N4BP2L2: variants seen among roughly 807,000 people sequenced by gnomAD.
N4BP2L2 encodes NEDD4 binding protein 2 like 2, also known as NEDD4-binding protein 2-like 2.
In N4BP2L2, 50 loss-of-function variants were observed where a neutral mutation model predicts 56.2. The ratio of observed to expected loss-of-function variants is 0.89; its 90% CI spans 0.71 to 1.13. N4BP2L2 has a LOEUF of 1.13. N4BP2L2 is among the 50% of genes most tolerant of loss of function. The pLI, the probability that N4BP2L2 is intolerant of heterozygous loss-of-function variation, is 0.00. For synonymous variants in N4BP2L2, 203 were observed against 223.6 expected, an observed-to-expected ratio of 0.91 and a Z score of 0.82; for missense variants, 689 against 693.8, an observed-to-expected ratio of 0.99 and a Z score of 0.08.
At chr13:32,486,542 G>C (rs1161596973) in intron 6 of N4BP2L2, among the ~76,000 whole-genome samples, 1 of 152,016 alleles carries the variant, frequency 6.6e-6, no homozygotes, top group African/African-American at 2.4e-5. Context: ...TGGGTGTGGA[G>C]GCTTGCACCT....
chr13:32,433,715 A>C (rs1368962273), intron 9 of N4BP2L2, among the ~76,000 whole-genome samples: 1 of 151,868 alleles, frequency 6.6e-6, no homozygotes, highest in African/African-American at 2.4e-5. Context: ...TCACGAGGTT[A>C]GGAGTTTCAG....
intron 7 of N4BP2L2, chr13:32,438,857 A>C: frequency 1.5e-6 from 1 of 669,414 alleles, no homozygotes; most frequent in Non-Finnish European, 2.5e-6. Flanking sequence ...GGTTTTAAAG[A>C]TATTTCGGTG....
At chr13:32,531,181 G>A (rs1431133389) in intron 2 of N4BP2L2, among the ~76,000 whole-genome samples, 1 of 152,154 alleles carries the variant, frequency 6.6e-6, no homozygotes, top group African/African-American at 2.4e-5. Context: ...AGCATTCTTA[G>A]AGACACTGAA....
At chr13:32,509,982 CAA>C (rs2091519982), downstream of N4BP2L2, among the ~76,000 whole-genome samples, 1 of 152,100 alleles carries the variant, frequency 6.6e-6, no homozygotes, top group Non-Finnish European at 1.5e-5. Context: ...TTCTGTACTT[CAA>C]GATTTTCCTT....
chr13:32,518,561 T>C (rs2049847533), intron 5 of N4BP2L2, among the ~76,000 whole-genome samples: 1 of 152,160 alleles, frequency 6.6e-6, no homozygotes, highest in Non-Finnish European at 1.5e-5. Context: ...AATATAAAGC[T>C]TTGATAAAAG....
chr13:32,491,786 C>T (rs1006022452), intron 6 of N4BP2L2, among the ~76,000 whole-genome samples: 1 of 151,530 alleles, frequency 6.6e-6, no homozygotes, highest in Non-Finnish European at 1.5e-5. Flanking sequence ...CACGTGCCAC[C>T]ACGCCCAGGT....
exon 7 of N4BP2L2, chr13:32,442,967 G>A: frequency 1.2e-6 from 2 of 1,613,464 alleles, no homozygotes; most frequent in Non-Finnish European, 1.7e-6. Flanking sequence ...GTAATTTTTA[G>A]TCCATGGTTT....
chr13:32,536,849 ATG>A lies in N4BP2L2; in HGVS notation c.177_178del (p.Ile60Ter), dbSNP rs768503335. ...CAAATAACTATGTCCTCTGACATCA[ATG>A]ATGGTCACAGGGACCCAATCATTTC... On this transcript the variant is annotated frameshift_variant, in exon 2 of 6. Transcript: ENST00000267068. LOFTEE classifies it high-confidence loss of function. The A allele has an allele frequency of 2.2e-5, 36 of 1,613,908 alleles. No individual in the cohort carries two copies. The highest frequency in any genetic ancestry group is 2.9e-5 in the Non-Finnish European group (34 of 1,179,974).
exon 6 of N4BP2L2, chr13:32,515,759 A>G (rs1228570708): frequency 6.6e-6 from 1 of 151,912 alleles, no homozygotes; most frequent in Non-Finnish European, 1.5e-5. Flanking sequence ...TTTTTTGAGA[A>G]GGAGTCTCAC....
intron 5 of N4BP2L2, among the ~76,000 whole-genome samples, chr13:32,520,704 AAC>A (rs1359905001): frequency 6.6e-6 from 1 of 152,128 alleles, no homozygotes; most frequent in South Asian, 2.1e-4. Flanking sequence ...ACAGTCAGGA[AAC>A]ACAGTGATAT....
At chr13:32,517,589 A>T in exon 6 of N4BP2L2, 1 of 1,327,780 alleles carries the variant, frequency 7.5e-7, no homozygotes. Flanking sequence ...AGCCAAGAGT[A>T]TTACAACAAG....
At chr13:32,475,360 A>C (rs703229) in intron 6 of N4BP2L2, among the ~76,000 whole-genome samples, 198 of 152,300 alleles carry the variant, frequency 1.3e-3, no homozygotes, top group African/African-American at 4.6e-3. Context: ...AAGAAGAGAG[A>C]GAGAAAGCTT....
At chr13:32,520,449 G>C (rs546472486) in intron 5 of N4BP2L2, among the ~76,000 whole-genome samples, 4 of 151,902 alleles carry the variant, frequency 2.6e-5, no homozygotes, top group African/African-American at 9.7e-5. Flanking sequence ...ACGAGGTCAG[G>C]AAATCAAGAC....
chr13:32,451,827 C>T (rs910541723), intron 6 of N4BP2L2, among the ~76,000 whole-genome samples: 1 of 151,758 alleles, frequency 6.6e-6, no homozygotes, highest in East Asian at 1.9e-4. Flanking sequence ...CACACACAGC[C>T]AAAAACACAA....
intron 6 of N4BP2L2, among the ~76,000 whole-genome samples, chr13:32,465,847 T>A (rs901977767): frequency 6.6e-6 from 1 of 152,046 alleles, no homozygotes; most frequent in South Asian, 2.1e-4. Flanking sequence ...GGAGACAGGG[T>A]TTCACCATGT....
intron 6 of N4BP2L2, among the ~76,000 whole-genome samples, chr13:32,446,896 T>A (rs1453248461): frequency 6.6e-6 from 1 of 151,504 alleles, no homozygotes; most frequent in Non-Finnish European, 1.5e-5. Flanking sequence ...AACCCCATCT[T>A]ACAAAGACAA....
Position 32,442,987 on chromosome 13 carries a change from A to G in N4BP2L2, c.1505T>C (p.Leu502Pro), listed in dbSNP as rs1326398522. 4 of 1,613,686 alleles carry G rather than the reference A, an allele frequency of 2.5e-6. No homozygotes were observed. In the Admixed American group the frequency reaches 5.0e-5, roughly 20 times the overall value. ...TTTTAGTCCATGGTTTTTTGTTAAC[A>G]GGTCACATTTCTCCCTTTCTTTTAC... Residue 502 changes from leucine (L) to proline (P), a missense_variant, in exon 7 of 10, where the codon CTG becomes CCG. Physicochemically the swap from Leu to Pro is moderately conservative, Grantham distance 98. Coordinates refer to the N4BP2L2 transcript ENST00000357505.
intron 8 of N4BP2L2, among the ~76,000 whole-genome samples, chr13:32,437,711 A>G (rs1450538945): frequency 6.6e-6 from 1 of 152,192 alleles, no homozygotes; most frequent in African/African-American, 2.4e-5. Flanking sequence ...CTGTTACTCT[A>G]TCATAATGGG....
At chr13:32,527,653 TTC>T in intron 2 of N4BP2L2, 121 bp from the exon 3 acceptor site, 1 of 1,081,812 alleles carries the variant, frequency 9.2e-7, no homozygotes, top group East Asian at 2.6e-5. Flanking sequence ...TTAAATGGAT[TTC>T]TGATACTTAC....
Sources: allele counts gnomAD v4.1 joint callset (sites outside exome capture counted in the v4.1 genomes callset), GRCh38; gene constraint gnomAD v4.1.1; transcripts MANE v1.5; gene names NCBI Gene and HGNC (gene_info 2026-07-23, HGNC 2026-07-21).